The following ZNF563 variants were observed in gnomAD, a reference collection of about 807,000 sequenced individuals.
ZNF563 encodes the protein zinc finger protein 563.
A neutral mutation model predicts 48.5 loss-of-function variants in ZNF563; 39 were observed. The ratio of observed to expected loss-of-function variants is 0.80; its 90% CI spans 0.62 to 1.05. ZNF563 has a LOEUF of 1.05. ZNF563 is among the 50% of genes least tolerant of loss of function. ZNF563 has a pLI of 0.00. For synonymous variants in ZNF563, 168 were observed against 187.9 expected (o/e 0.89, Z 0.87); for missense variants, 538 against 597.0 (o/e 0.90, Z 1.03).
intron 1 of ZNF563, among the ~76,000 whole-genome samples, chr19:12,332,939 G>C (rs776119674): frequency 1.3e-5 from 2 of 152,208 alleles, no homozygotes; most frequent in Non-Finnish European, 2.9e-5. Context: ...CCCTGTGACG[G>C]AGAGGAAGTC....
In ZNF563 at chr19:12,319,709, C is replaced by T. The variant is rs202119258; in HGVS notation, c.316G>A (p.Ala106Thr). The change falls in exon 4 of 4, where the codon GCT (alanine) becomes ACT (threonine). Residue 106 changes from alanine (A) to threonine (T), a missense_variant. Physicochemically the swap from Ala to Thr is moderately conservative, Grantham distance 58. Transcript: ENST00000293725. The stretch of plus-strand genomic sequence containing the variant: ...CCCATTATGACTTCTTCACACTCAG[C>T]GCTTTGACATGGATCTTCTCCAGGA... ...ICPGEDPCQS[A>T]ECEEVIMGHL... 24 of 1,614,122 alleles carry T rather than the reference C, an allele frequency of 1.5e-5. No individual in the cohort carries two copies. The highest frequency in any genetic ancestry group is 2.2e-5 in the East Asian group (1 of 44,876).
In ZNF563 at chr19:12,319,320, A is replaced by G. The variant is rs377760419; in HGVS notation, c.705T>C (p.Pro235=). Residue 235 remains proline, a synonymous_variant, in exon 4 of 4, where the codon CCT becomes CCC. Transcript: ENST00000293725. ...CATGTCTTCGATAGGAACTGTAAAA[A>G]GGAAAGGCTTTAGAACACTGCTTAC... The part of the protein sequence containing the change: ...YECKQCSKAF[P]FYSSYRRHER... 53 of 1,613,980 alleles carry G rather than the reference A, an allele frequency of 3.3e-5. No homozygotes were observed. The highest frequency in any genetic ancestry group is 1.6e-4 in the Middle Eastern group (1 of 6,084).
rs145424740 is a variant in ZNF563, at chr19:12,326,409, C to T, written c.4-3698G>A. Among the ~76,000 whole-genome samples, 8 of 151,904 alleles carry T rather than the reference C, an allele frequency of 5.3e-5. 1 individual carries two copies. The highest frequency in any genetic ancestry group is 1.9e-4 in the African/African-American group (8 of 41,338). ...CTGTAATCCCAGCACTTTGGGAGGC[C>T]GAGGGGAGCGGATCACTTGAGGTCG... On this transcript the variant is annotated intron_variant, in intron 1 of 3. Coordinates refer to ENST00000293725, the MANE Select transcript of ZNF563 (RefSeq NM_145276.3).
chr19:12,323,531 T>C (rs1968692923), intron 1 of ZNF563, among the ~76,000 whole-genome samples: 1 of 152,214 alleles, frequency 6.6e-6, no homozygotes, highest in Non-Finnish European at 1.5e-5. Context: ...ATGTAATGCT[T>C]TATGCCATCT....
At chr19:12,320,151 C>T (rs181496599) in intron 3 of ZNF563, among the ~76,000 whole-genome samples, 24 of 151,880 alleles carry the variant, frequency 1.6e-4, no homozygotes, top group East Asian at 1.2e-3. Context: ...CTTCTGACCT[C>T]GTGATCCACC....
intron 3 of ZNF563, among the ~76,000 whole-genome samples, chr19:12,320,673 T>C (rs556587951): frequency 3.2e-4 from 49 of 151,980 alleles, no homozygotes; most frequent in Non-Finnish European, 5.4e-4. Flanking sequence ...CTAACTTTTG[T>C]ACTTTTGTAG....
chr19:12,319,910 G>A, intron 3 of ZNF563, 77 bp from the exon 4 acceptor site: 2 of 1,388,292 alleles, frequency 1.4e-6, no homozygotes, highest in East Asian at 2.4e-5. Flanking sequence ...ATAGGTATTG[G>A]ATGTACTTTT....
intron 1 of ZNF563, among the ~76,000 whole-genome samples, chr19:12,332,116 T>C (rs1968933191): frequency 6.6e-6 from 1 of 152,160 alleles, no homozygotes; most frequent in South Asian, 2.1e-4. Context: ...GAGTTCATTA[T>C]GTTGCTGTGA....
chr19:12,332,836 T>C (rs1408221342), intron 1 of ZNF563, among the ~76,000 whole-genome samples: 1 of 152,218 alleles, frequency 6.6e-6, no homozygotes, highest in African/African-American at 2.4e-5. Context: ...TCCCTTGCGA[T>C]GGATTTTGCT....
chr19:12,329,154 T>C (rs1968863209), intron 1 of ZNF563, among the ~76,000 whole-genome samples: 1 of 152,098 alleles, frequency 6.6e-6, no homozygotes. Flanking sequence ...GAGATATTAA[T>C]GAAATAGCAA....
At chr19:12,333,642 A>G, upstream of ZNF563, 1 of 1,095,818 alleles carries the variant, frequency 9.1e-7, no homozygotes, top group Non-Finnish European at 1.3e-6. Context: ...CTGAGTCTAG[A>G]GCTGAGCGCA....
chr19:12,338,413 AATTTTTTGC>A (rs1277761605), upstream of ZNF563, among the ~76,000 whole-genome samples: 1 of 151,968 alleles, frequency 6.6e-6, no homozygotes, highest in African/African-American at 2.4e-5. Context: ...ACACCCAGTT[AATTTTTTGC>A]ATTTTTAGTA....
the ZNF563 span, among the ~76,000 whole-genome samples, chr19:12,343,605 G>C: frequency 6.6e-6 from 1 of 151,672 alleles, no homozygotes; most frequent in South Asian, 2.1e-4. Context: ...AATGGAAGAA[G>C]AAACAAGTTC....
chr19:12,338,048 G>C (rs1389799828), upstream of ZNF563, among the ~76,000 whole-genome samples: 1 of 152,134 alleles, frequency 6.6e-6, no homozygotes, highest in East Asian at 1.9e-4. Context: ...ACTGGAGTGA[G>C]CTATGATCAC....
chr19:12,318,310 A>G lies in ZNF563; in HGVS notation c.*284T>C. 3 of 445,286 alleles carry G rather than the reference A, an allele frequency of 6.7e-6. No homozygotes were observed. The South Asian group carries it at 7.9e-5, about 12-fold the overall frequency. The allele number at this position is 445,286 out of a possible 1,614,324, so 27.6% of individuals were successfully genotyped here. A position where few individuals can be genotyped will look rare whatever the true frequency, so the allele number is the denominator to read the frequency against. On this transcript the variant is annotated 3_prime_UTR_variant, in exon 4 of 4. Transcript: ENST00000293725. ...GCCCAGCCTCATGTACTTTTAAGTT[A>G]CCAAAATGACTGAAGGCTTCCCTAC...
At chr19:12,329,620 T>C (rs1436911030) in intron 1 of ZNF563, among the ~76,000 whole-genome samples, 1 of 152,026 alleles carries the variant, frequency 6.6e-6, no homozygotes, top group Non-Finnish European at 1.5e-5. Flanking sequence ...AAGAGTGCCA[T>C]GAAAGAATAT....
chr19:12,340,230 A>C, the ZNF563 span, among the ~76,000 whole-genome samples: 2 of 152,172 alleles, frequency 1.3e-5, no homozygotes, highest in Non-Finnish European at 2.9e-5. Context: ...GCTACTCCGG[A>C]AGCTGAGGCA....
intron 2 of ZNF563, among the ~76,000 whole-genome samples, chr19:12,321,811 A>G (rs1968632777): frequency 6.6e-6 from 1 of 152,128 alleles, no homozygotes. Flanking sequence ...AATTTTCTTC[A>G]GTCTCTGCTA....
Position 12,319,472 on chromosome 19 carries a change from G to A in ZNF563, c.553C>T (p.Arg185Ter), listed in dbSNP as rs150045277. The A allele has an allele frequency of 4.5e-5, 72 of 1,614,036 alleles. No homozygotes were observed. The African/African-American group carries it at 5.1e-4, about 11-fold the overall frequency. The change falls in exon 4 of 4, where the codon CGA (arginine) becomes TGA (stop). Residue 185 changes from arginine (R) to a stop codon, truncating the protein, a stop_gained. Transcript: ENST00000293725. LOFTEE classifies it high-confidence loss of function. ...GKTFSSRRNL[R>*]RHMVVQGGNR... ...CCACCTTGCACTACCATGTGTCTTC[G>A]AAGGTTTCTACGAGAACTGAAGGTT...
Sources: allele counts gnomAD v4.1 joint callset (sites outside exome capture counted in the v4.1 genomes callset), GRCh38; gene constraint gnomAD v4.1.1; transcripts MANE v1.5; gene names NCBI Gene and HGNC (gene_info 2026-07-23, HGNC 2026-07-21).